Variants in COX7B2 observed in about 807,000 individuals in gnomAD.
COX7B2 encodes the protein cytochrome c oxidase subunit 7B2.
For missense variants in COX7B2, 109 were observed against 95.9 expected (o/e 1.14, Z -0.57); for synonymous variants, 37 against 32.1 (o/e 1.15, Z -0.51).
At chr4:46,848,644 G>A (rs1297126999) in intron 1 of COX7B2, among the ~76,000 whole-genome samples, 2 of 151,958 alleles carry the variant, frequency 1.3e-5, no homozygotes, top group African/African-American at 2.4e-5. Context: ...ACACAAAGTG[G>A]AAAAGTAGGA....
intron 2 of COX7B2, among the ~76,000 whole-genome samples, chr4:46,823,839 T>C (rs1032516589): frequency 6.6e-6 from 1 of 150,764 alleles, no homozygotes; most frequent in African/African-American, 2.4e-5. Flanking sequence ...ATTAATAAAA[T>C]TGACAAACCT....
intron 1 of COX7B2, among the ~76,000 whole-genome samples, chr4:46,863,000 T>A (rs1347949220): frequency 1.3e-5 from 2 of 152,178 alleles, no homozygotes; most frequent in Non-Finnish European, 2.9e-5. Flanking sequence ...TATGAAATTG[T>A]TCTCATCTTT....
intron 2 of COX7B2, among the ~76,000 whole-genome samples, chr4:46,824,914 C>T (rs1714575140): frequency 6.6e-6 from 1 of 152,096 alleles, no homozygotes; most frequent in African/African-American, 2.4e-5. Flanking sequence ...GACAAACCCA[C>T]AACCAACGTT....
intron 1 of COX7B2, among the ~76,000 whole-genome samples, chr4:46,866,784 A>AGT (rs1324720720): frequency 6.6e-6 from 1 of 152,074 alleles, no homozygotes; most frequent in African/African-American, 2.4e-5. Context: ...ACTATTACAA[A>AGT]TGTAATAGTG....
chr4:46,788,571 A>G (rs1306219177), intron 2 of COX7B2, among the ~76,000 whole-genome samples: 1 of 152,208 alleles, frequency 6.6e-6, no homozygotes, highest in Non-Finnish European at 1.5e-5. Flanking sequence ...CCCAAATGGT[A>G]ATGTTTAGAA....
chr4:46,735,416 A>T (rs1714306148), intron 2 of COX7B2, among the ~76,000 whole-genome samples, 175 bp from the exon 3 acceptor site: 1 of 152,156 alleles, frequency 6.6e-6, no homozygotes, highest in Non-Finnish European at 1.5e-5. Context: ...ACTTGGGGCA[A>T]TTATTTAACT....
chr4:46,797,517 T>C (rs928864498), intron 2 of COX7B2, among the ~76,000 whole-genome samples: 2 of 152,214 alleles, frequency 1.3e-5, no homozygotes, highest in South Asian at 4.1e-4. Flanking sequence ...GTTCCCTGAC[T>C]ATACAGTGAG....
intron 1 of COX7B2, among the ~76,000 whole-genome samples, chr4:46,889,169 A>C (rs904460537): frequency 6.6e-6 from 1 of 152,224 alleles, no homozygotes; most frequent in African/African-American, 2.4e-5. Context: ...TCTAAGGAGA[A>C]AAATCCATTT....
intron 2 of COX7B2, among the ~76,000 whole-genome samples, chr4:46,815,926 G>T (rs949745885): frequency 6.6e-6 from 1 of 152,044 alleles, no homozygotes; most frequent in Admixed American, 6.6e-5. Flanking sequence ...AAATACCAAT[G>T]CTTATAAGAT....
intron 1 of COX7B2, among the ~76,000 whole-genome samples, chr4:46,859,883 A>T (rs1184674412): frequency 6.6e-6 from 1 of 152,208 alleles, no homozygotes; most frequent in East Asian, 1.9e-4. Flanking sequence ...GCTAGTCAAC[A>T]GCCTGTAACT....
At chr4:46,860,676 T>G (rs1717284931) in intron 1 of COX7B2, among the ~76,000 whole-genome samples, 2 of 152,190 alleles carry the variant, frequency 1.3e-5, no homozygotes, top group Admixed American at 1.3e-4. Flanking sequence ...TTGCCCCTTC[T>G]CTAGGTCCTT....
intron 2 of COX7B2, among the ~76,000 whole-genome samples, chr4:46,763,241 T>C (rs1052367891): frequency 1.4e-5 from 2 of 141,304 alleles, no homozygotes; most frequent in Non-Finnish European, 3.0e-5. Flanking sequence ...ATTATATATA[T>C]ACATATATAT....
Position 46,775,833 on chromosome 4 carries a change from G to A in COX7B2, c.-49-40592C>T, listed in dbSNP as rs565827240. 1.2e-4 allele frequency among the ~76,000 whole-genome samples: 19 copies of A among 152,220 alleles called. No individual in the cohort carries two copies. In the South Asian group the frequency reaches 3.7e-3, roughly 30 times the overall value. On this transcript the variant is annotated intron_variant, in intron 2 of 2. Coordinates refer to ENST00000355591, the MANE Select transcript of COX7B2 (RefSeq NM_130902.3). ...CGTATAAAGAAAGAGACTTTCTTAT[G>A]AGGTAGTGAGATCGCTGTTATCTGA...
chr4:46,779,619 G>A (rs1717334074), intron 2 of COX7B2, among the ~76,000 whole-genome samples: 2 of 152,042 alleles, frequency 1.3e-5, no homozygotes, highest in Admixed American at 6.6e-5. Flanking sequence ...TTCTACAATG[G>A]CTGCACCAAT....
intron 2 of COX7B2, among the ~76,000 whole-genome samples, chr4:46,827,463 A>G (rs927065311): frequency 2.6e-5 from 4 of 152,154 alleles, no homozygotes; most frequent in Admixed American, 1.3e-4. Context: ...TGGCATGTCC[A>G]AAGTAGAGAA....
At chr4:46,849,405 C>A (rs1470752085) in intron 1 of COX7B2, among the ~76,000 whole-genome samples, 1 of 151,984 alleles carries the variant, frequency 6.6e-6, no homozygotes, top group Admixed American at 6.6e-5. Context: ...TAACTATTTT[C>A]TATTTTTTAA....
At position 46,743,264 on chromosome 4, in the gene COX7B2, G is replaced by A. The variant is rs1714819541; in HGVS notation, c.-49-8023C>T. Among the ~76,000 whole-genome samples the A allele has an allele frequency of 2.0e-5, 3 of 152,258 alleles. No homozygotes were observed. In the South Asian group the frequency reaches 6.2e-4, roughly 32 times the overall value. The stretch of plus-strand genomic sequence containing the variant: ...AGTTCACCAGCTAAGGTCCCAAAAT[G>A]TGCTAGTCCCTTAGTGTAATCACAT... On this transcript the variant is annotated intron_variant, in intron 2 of 2. Coordinates refer to ENST00000355591, the MANE Select transcript of COX7B2 (RefSeq NM_130902.3).
chr4:46,736,104 C>T (rs959498118), intron 2 of COX7B2, among the ~76,000 whole-genome samples: 1 of 152,182 alleles, frequency 6.6e-6, no homozygotes, highest in Non-Finnish European at 1.5e-5. Flanking sequence ...TGTATAATGA[C>T]ATGTATCCAT....
intron 2 of COX7B2, among the ~76,000 whole-genome samples, chr4:46,796,385 C>G (rs1338317063): frequency 6.8e-6 from 1 of 147,454 alleles, no homozygotes; most frequent in Admixed American, 6.7e-5. Context: ...ATCAAAACCA[C>G]TATGAGATAT....
Sources: allele counts gnomAD v4.1 joint callset (sites outside exome capture counted in the v4.1 genomes callset), GRCh38; gene constraint gnomAD v4.1.1; transcripts MANE v1.5; gene names NCBI Gene and HGNC (gene_info 2026-07-23, HGNC 2026-07-21).